The following COL5A2 variants were observed in gnomAD, a reference collection of about 807,000 sequenced individuals.
COL5A2 encodes collagen type V alpha 2 chain, also known as collagen alpha-2(V) chain.
Under a neutral mutation model 208.2 loss-of-function variants are expected in COL5A2, and 23 were observed. That is an observed-to-expected ratio of 0.11 (90% confidence interval 0.08 to 0.16). COL5A2 has a LOEUF of 0.16. Ranked by LOEUF, COL5A2 falls within the 10% of genes least tolerant of loss-of-function variation. The pLI is 1.00. For synonymous variants in COL5A2, 625 were observed against 628.5 expected (o/e 0.99, Z 0.08); for missense variants, 1,590 against 1,956.4 (o/e 0.81, Z 3.53).
At chr2:189,123,813 TC>T (rs1687556268) in intron 1 of COL5A2, among the ~76,000 whole-genome samples, 1 of 152,130 alleles carries the variant, frequency 6.6e-6, no homozygotes, top group Non-Finnish European at 1.5e-5. Context: ...CTAACAACCA[TC>T]CTGGTAGAGG....
the COL5A2 span, among the ~76,000 whole-genome samples, chr2:189,328,141 G>A: frequency 0.14 from 21,483 of 152,030 alleles, 1,950 homozygotes; most frequent in South Asian, 0.21. Context: ...GTAGTTATGC[G>A]ATTCCAACAA....
the COL5A2 span, among the ~76,000 whole-genome samples, chr2:189,422,537 T>G: frequency 9.6e-4 from 147 of 152,346 alleles, 2 homozygotes; most frequent in African/African-American, 3.2e-3. Context: ...TTTAAACTAC[T>G]ATTTAGGTCA....
chr2:189,293,971 C>T, the COL5A2 span, among the ~76,000 whole-genome samples: 2 of 152,004 alleles, frequency 1.3e-5, no homozygotes, highest in Admixed American at 6.6e-5. Context: ...GCCTGTAGTC[C>T]CAGCTACTGG....
the COL5A2 span, among the ~76,000 whole-genome samples, chr2:189,262,827 C>G: frequency 6.6e-6 from 1 of 152,080 alleles, no homozygotes; most frequent in Admixed American, 6.6e-5. Flanking sequence ...TTCTCATTAT[C>G]AACCAATATG....
At chr2:189,177,933 G>T (rs1016302686) in intron 1 of COL5A2, among the ~76,000 whole-genome samples, 2 of 152,098 alleles carry the variant, frequency 1.3e-5, no homozygotes, top group Admixed American at 1.3e-4. Flanking sequence ...AATTAACAAA[G>T]AAAGTGGTAT....
chr2:189,226,073 T>A (rs1689414483), upstream of COL5A2, among the ~76,000 whole-genome samples: 1 of 152,190 alleles, frequency 6.6e-6, no homozygotes, highest in Admixed American at 6.6e-5. Flanking sequence ...GAATATTAAA[T>A]ATCATCACAT....
the COL5A2 span, among the ~76,000 whole-genome samples, chr2:189,378,490 C>T: frequency 1.4e-4 from 21 of 152,070 alleles, no homozygotes; most frequent in Admixed American, 3.9e-4. Flanking sequence ...TTTGGGAGGC[C>T]GAGGCGGGAG....
the COL5A2 span, among the ~76,000 whole-genome samples, chr2:189,341,289 G>A: frequency 6.6e-6 from 1 of 152,016 alleles, no homozygotes; most frequent in African/African-American, 2.4e-5. Context: ...ACTGTCATTT[G>A]GTGTCTAGTA....
At chr2:189,271,489 C>T in the COL5A2 span, among the ~76,000 whole-genome samples, 432 of 152,214 alleles carry the variant, frequency 2.8e-3, 3 homozygotes, top group African/African-American at 8.7e-3. Context: ...CTTCCTTACA[C>T]CATATACAAA....
At chr2:189,162,211 G>A (rs56198901) in intron 1 of COL5A2, among the ~76,000 whole-genome samples, 113 of 152,296 alleles carry the variant, frequency 7.4e-4, no homozygotes, top group South Asian at 1.9e-3. Context: ...CCCACTAGAC[G>A]ATTAACTTCT....
At chr2:189,436,389 C>A in the COL5A2 span, among the ~76,000 whole-genome samples, 11 of 151,840 alleles carry the variant, frequency 7.2e-5, no homozygotes, top group African/African-American at 2.7e-4. Context: ...GTGGGGGGAG[C>A]GGGGAGGTAT....
At chr2:189,299,420 A>G in the COL5A2 span, among the ~76,000 whole-genome samples, 1 of 152,314 alleles carries the variant, frequency 6.6e-6, no homozygotes, top group East Asian at 1.9e-4. Flanking sequence ...CCATGAGCCC[A>G]CCTCGATACG....
intron 1 of COL5A2, among the ~76,000 whole-genome samples, chr2:189,164,104 T>A (rs985255200): frequency 6.6e-6 from 1 of 152,194 alleles, no homozygotes; most frequent in African/African-American, 2.4e-5. Flanking sequence ...TTTCTAAACG[T>A]TTGGCTCAGA....
chr2:189,332,140 T>C, the COL5A2 span, among the ~76,000 whole-genome samples: 1 of 152,028 alleles, frequency 6.6e-6, no homozygotes, highest in Admixed American at 6.6e-5. Context: ...CCAAAGTACA[T>C]GATTAAAAGA....
chr2:189,280,446 C>T, the COL5A2 span, among the ~76,000 whole-genome samples: 7 of 152,212 alleles, frequency 4.6e-5, no homozygotes, highest in African/African-American at 1.4e-4. Context: ...ACTGTGCAAA[C>T]TCTCTAAATC....
the COL5A2 span, among the ~76,000 whole-genome samples, chr2:189,249,401 G>A: frequency 1.3e-5 from 2 of 152,188 alleles, no homozygotes; most frequent in African/African-American, 2.4e-5. Flanking sequence ...TAAATAGGGA[G>A]TAGATTGGTT....
At chr2:189,226,437 T>C (rs762676485), upstream of COL5A2, among the ~76,000 whole-genome samples, 1 of 152,056 alleles carries the variant, frequency 6.6e-6, no homozygotes, top group African/African-American at 2.4e-5. Context: ...GCCAGCCACA[T>C]TGAAGCAAGT....
chr2:189,143,857 T>A (rs6434331), intron 1 of COL5A2, among the ~76,000 whole-genome samples: 1 of 152,080 alleles, frequency 6.6e-6, no homozygotes, highest in Non-Finnish European at 1.5e-5. Context: ...GACATTATAA[T>A]AACATAAAAA....
the COL5A2 span, among the ~76,000 whole-genome samples, chr2:189,293,151 A>G: frequency 2.6e-5 from 4 of 152,018 alleles, no homozygotes; most frequent in Admixed American, 1.3e-4. Context: ...TATACCTAAC[A>G]CTAAATGACG....
Sources: gnomAD v4.1 joint callset for allele counts (sites outside exome capture counted in the v4.1 genomes callset) on GRCh38, gnomAD v4.1.1 for gene constraint, MANE v1.5 for transcripts, NCBI Gene and HGNC (gene_info 2026-07-23, HGNC 2026-07-21) for gene names.